Variants in SH3TC1 observed in about 807,000 individuals in gnomAD.
SH3TC1 encodes the protein SH3 domain and tetratricopeptide repeat-containing protein 1.
In SH3TC1, 135 loss-of-function variants were observed where a neutral mutation model predicts 117.3. The ratio of observed to expected loss-of-function variants is 1.15; its 90% confidence interval spans 1.00 to 1.33. SH3TC1 has a LOEUF of 1.33. SH3TC1 is among the 40% of genes most tolerant of loss of function. The pLI is 0.00. For synonymous variants in SH3TC1, 898 were observed against 816.9 expected, an observed-to-expected ratio of 1.10 and a Z score of -1.69; for missense variants, 2,092 against 1,794.3, an observed-to-expected ratio of 1.17 and a Z score of -3.00.
chr4:8,238,614 G>C (rs977005249), intron 17 of SH3TC1, among the ~76,000 whole-genome samples: 2 of 151,834 alleles, frequency 1.3e-5, no homozygotes, highest in Non-Finnish European at 2.9e-5. Flanking sequence ...GGAGGCCCCC[G>C]CCCGGTGCTG....
rs1025512933 is a variant in SH3TC1, at chr4:8,186,672, G to A, written c.-57+4462G>A. ...TAAAAAGCCCCTTGAGGCTGGGTGCGGTGGCTCACGCCTGTAATCCCAGCA... is the reference window on the plus strand; with the variant it reads ...TAAAAAGCCCCTTGAGGCTGGGTGCAGTGGCTCACGCCTGTAATCCCAGCA... On this transcript the variant is annotated intron_variant, in intron 1 of 16. Coordinates refer to the SH3TC1 transcript ENST00000508641. The surrounding 1 kb of genome is among the most constrained non-coding windows in gnomAD (Gnocchi z 5.2). 1.3e-5 allele frequency among the ~76,000 whole-genome samples: 2 copies of A among 152,294 alleles called. No homozygotes were observed. Among genetic ancestry groups the A allele is most frequent in the East Asian group, 1.9e-4 (1 of 5,184 alleles).
chr4:8,221,145 C>T (rs762929252), intron 9 of SH3TC1, among the ~76,000 whole-genome samples: 4 of 152,126 alleles, frequency 2.6e-5, no homozygotes, highest in Non-Finnish European at 5.9e-5. Flanking sequence ...TTTGGGGATC[C>T]TTGGTCTAGC....
At chr4:8,203,314 G>C (rs936627374) in intron 1 of SH3TC1, among the ~76,000 whole-genome samples, 5 of 152,014 alleles carry the variant, frequency 3.3e-5, no homozygotes, top group Non-Finnish European at 1.5e-5. Flanking sequence ...ACACAGGCTT[G>C]AGAATTGCCT....
intron 17 of SH3TC1, among the ~76,000 whole-genome samples, chr4:8,239,162 G>C (rs1327932520): frequency 6.6e-6 from 1 of 151,750 alleles, no homozygotes; most frequent in East Asian, 1.9e-4. Flanking sequence ...GGGTGGATTA[G>C]GTGTGTCCTG....
At chr4:8,232,550 C>T (rs1483824868) in intron 13 of SH3TC1, 2 of 1,364,564 alleles carry the variant, frequency 1.5e-6, no homozygotes, top group Admixed American at 1.9e-5. Flanking sequence ...ACAGCAGCCA[C>T]CTGTGGCTTC....
intron 1 of SH3TC1, among the ~76,000 whole-genome samples, chr4:8,188,856 G>A (rs1172138653): frequency 2.6e-5 from 4 of 152,206 alleles, no homozygotes; most frequent in East Asian, 1.9e-4. Flanking sequence ...TACCCGTCAC[G>A]AGGCAGCCAC....
At position 8,238,388 on chromosome 4, in the gene SH3TC1, C is replaced by A. The variant is rs549988050; in HGVS notation, c.3753+718C>A. On this transcript the variant is annotated intron_variant, in intron 17 of 17. Transcript: ENST00000245105. ...TGCAGGGGTGGAGAACTGGGACCGGCAGACTCGGATCTGGGATGTCCCCAC... is the reference window on the plus strand; with the variant it reads ...TGCAGGGGTGGAGAACTGGGACCGGAAGACTCGGATCTGGGATGTCCCCAC... Among the ~76,000 whole-genome samples the A allele has an allele frequency of 7.2e-5, 11 of 152,306 alleles. No homozygotes were observed. The South Asian group carries it at 2.3e-3, about 32-fold the overall frequency.
At position 8,190,424 on chromosome 4, in the gene SH3TC1, G is replaced by A. The variant is rs1456762714; in HGVS notation, c.-57+8214G>A. ...TCCCACCCCTGATTCAGGAAAGTTG[G>A]GGCTCTGAGGAGTTCGGGCCTATGG... On this transcript the variant is annotated intron_variant, in intron 1 of 16. Transcript: ENST00000508641. The surrounding 1 kb of genome is among the most constrained non-coding windows in gnomAD (Gnocchi z 4.7). Among the ~76,000 whole-genome samples, 4 of 152,198 alleles carry A rather than the reference G, an allele frequency of 2.6e-5. No individual in the cohort carries two copies. Among genetic ancestry groups the A allele is most frequent in the Non-Finnish European group, 5.9e-5 (4 of 68,036 alleles).
chr4:8,195,899 C>A (rs1318434313), upstream of SH3TC1, among the ~76,000 whole-genome samples: 1 of 152,220 alleles, frequency 6.6e-6, no homozygotes, highest in Non-Finnish European at 1.5e-5. Context: ...CTCCCCACTT[C>A]TCCCCACAGC....
intron 3 of SH3TC1, among the ~76,000 whole-genome samples, chr4:8,212,140 A>C (rs985802716): frequency 2.6e-5 from 4 of 152,004 alleles, no homozygotes; most frequent in Non-Finnish European, 4.4e-5. Flanking sequence ...GCCCTCTGAG[A>C]GACAGGGAAG....
At chr4:8,234,017 C>CCAT (rs1359688497) in intron 14 of SH3TC1, among the ~76,000 whole-genome samples, 1 of 146,472 alleles carries the variant, frequency 6.8e-6, no homozygotes, top group Non-Finnish European at 1.5e-5. Context: ...ATTTATCCAT[C>CCAT]CATCATCCAT....
intron 15 of SH3TC1, chr4:8,236,076 G>T (rs552405797): frequency 4.8e-6 from 3 of 625,714 alleles, no homozygotes; most frequent in Non-Finnish European, 5.2e-6. Context: ...GAGGCTGCCG[G>T]GTGTAGCTGG....
At position 8,190,467 on chromosome 4, in the gene SH3TC1, G is replaced by A. The variant is rs1717382509; in HGVS notation, c.-57+8257G>A. Among the ~76,000 whole-genome samples the A allele has an allele frequency of 6.6e-6, 1 of 152,156 alleles. No homozygotes were observed. The highest frequency in any genetic ancestry group is 2.1e-4 in the South Asian group (1 of 4,826). On this transcript the variant is annotated intron_variant, in intron 1 of 16. Coordinates refer to the SH3TC1 transcript ENST00000508641. The surrounding 1 kb of genome is among the most constrained non-coding windows in gnomAD (Gnocchi z 4.7). ...GCCTATGGGATTGGAGGTCCTGGGG[G>A]GACTCATCTGTAAGCTGGGATCTGA... is the stretch of plus-strand genomic sequence containing the variant.
chr4:8,198,980 G>A (rs554218086), upstream of SH3TC1, among the ~76,000 whole-genome samples: 1 of 152,380 alleles, frequency 6.6e-6, no homozygotes, highest in South Asian at 2.1e-4. Flanking sequence ...GAGGAACAGA[G>A]ATCAGAGCTG....
chr4:8,204,376 C>G (rs936290344), intron 1 of SH3TC1, among the ~76,000 whole-genome samples: 9 of 152,302 alleles, frequency 5.9e-5, no homozygotes, highest in African/African-American at 2.2e-4. Flanking sequence ...CAGGGAAAAT[C>G]TTCTCACCAC....
intron 10 of SH3TC1, among the ~76,000 whole-genome samples, chr4:8,223,529 G>T (rs1030333758): frequency 6.6e-6 from 1 of 152,178 alleles, no homozygotes; most frequent in East Asian, 1.9e-4. Context: ...GCAGTGCAAC[G>T]CATAGATGAA....
Position 8,240,973 on chromosome 4 carries a change from G to T in SH3TC1, c.*18G>T. ...CTCGCTGAGGACAGCATCCAAGGGA[G>T]TGGGTTTTGTGCAAGGGCTGGGGGT... On this transcript the variant is annotated 3_prime_UTR_variant, in exon 18 of 18. Coordinates refer to ENST00000245105, the MANE Select transcript of SH3TC1 (RefSeq NM_018986.5). The T allele has an allele frequency of 1.2e-6, 2 of 1,603,638 alleles. No homozygotes were observed. Among genetic ancestry groups the T allele is most frequent in the South Asian group, 2.2e-5 (2 of 91,054 alleles).
chr4:8,232,267 C>T (rs1277021042), intron 13 of SH3TC1, 111 bp downstream of exon 13: 38 of 1,446,958 alleles, frequency 2.6e-5, no homozygotes, highest in Non-Finnish European at 3.4e-5. Flanking sequence ...TCCTTGGGAT[C>T]ATTTGGTTCC....
Position 8,225,449 on chromosome 4 carries a change from C to A in SH3TC1, c.1285+233C>A, listed in dbSNP as rs1476887787. Among the ~76,000 whole-genome samples the A allele has an allele frequency of 6.6e-6, 1 of 152,154 alleles. No homozygotes were observed. Among genetic ancestry groups the A allele is most frequent in the Non-Finnish European group, 1.5e-5 (1 of 68,022 alleles). On this transcript the variant is annotated intron_variant, in intron 11 of 17. Coordinates refer to ENST00000245105, the MANE Select transcript of SH3TC1 (RefSeq NM_018986.5). This position sits in a 1 kb window ranked among gnomAD's most constrained non-coding sequence, Gnocchi z 5.5. ...CTTCCAATGAACATGCTGGCCCCCG[C>A]CTGGTCCCCGCCCAAGATGGAGCAT...
Sources: allele counts gnomAD v4.1 joint callset (sites outside exome capture counted in the v4.1 genomes callset), GRCh38; gene constraint gnomAD v4.1.1; non-coding constraint Gnocchi (gnomAD v3.1); transcripts MANE v1.5; gene names NCBI Gene and HGNC (gene_info 2026-07-23, HGNC 2026-07-21).